The following FERMT3 variants were observed in gnomAD, a reference collection of about 807,000 sequenced individuals.
FERMT3 encodes FERM domain containing kindlin 3, also known as fermitin family homolog 3.
Under a neutral mutation model 80.8 loss-of-function variants are expected in FERMT3, and 33 were observed. That is an observed-to-expected ratio of 0.41 (90% CI 0.31 to 0.55). The LOEUF is 0.55. FERMT3 is among the 20% of genes least tolerant of loss of function. FERMT3 has a pLI of 0.31. For missense variants in FERMT3, 754 were observed against 908.7 expected, an observed-to-expected ratio of 0.83 and a Z score of 2.19; for synonymous variants, 375 against 372.2, an observed-to-expected ratio of 1.01 and a Z score of -0.09.
At chr11:64,223,224 A>G in intron 14 of FERMT3, 35 bp downstream of exon 14, 2 of 1,613,398 alleles carry the variant, frequency 1.2e-6, no homozygotes, top group South Asian at 1.1e-5. Context: ...GATGGGGGAC[A>G]GGTGCAGGCC....
At chr11:64,207,694 C>T (rs1946343912) in intron 2 of FERMT3, 170 bp downstream of exon 2, 3 of 766,268 alleles carry the variant, frequency 3.9e-6, no homozygotes, top group South Asian at 1.9e-5. Context: ...CCAACTTCCT[C>T]TCCCTCCCAC....
In FERMT3 at chr11:64,223,117, C is replaced by T. The variant is rs201768021; in HGVS notation, c.1740C>T (p.Ala580=). The T allele has an allele frequency of 2.8e-5, 45 of 1,613,830 alleles. No individual in the cohort carries two copies. The highest frequency in any genetic ancestry group is 6.7e-5 in the Admixed American group (4 of 60,012). ...ACCGACTGATCCGCATCGACTTGGC[C>T]GTGGGCGACGTGGTCAAGACCTGGC... ...ANNRLIRIDL[A]VGDVVKTWRF... Residue 580 remains alanine, a synonymous_variant, in exon 14 of 15, where the codon GCC becomes GCT. Coordinates refer to ENST00000345728, the MANE Select transcript of FERMT3 (RefSeq NM_031471.6).
At chr11:64,220,881 G>A in intron 12 of FERMT3, 135 bp from the exon 13 acceptor site, 2 of 1,505,686 alleles carry the variant, frequency 1.3e-6, no homozygotes, top group Non-Finnish European at 1.8e-6. Flanking sequence ...GTGCAGATCT[G>A]CACCTTGGCG....
rs3802933 is a variant in FERMT3, at chr11:64,220,630, C to T, written c.1506C>T (p.Leu502=). ...ASAEGLNPYG[L]VAPRFQRKFK... is the part of the protein sequence containing the mutation. ...CCGAGGGCCTCAACCCCTACGGCCT[C>T]GTTGCCCCCCGTTTCCAGCGAAAGT... Residue 502 remains leucine, a synonymous_variant, in exon 12 of 15, where the codon CTC becomes CTT. Coordinates refer to ENST00000345728, the MANE Select transcript of FERMT3 (RefSeq NM_031471.6). 276,547 of 1,610,504 alleles carry T rather than the reference C, an allele frequency of 0.17. 24,901 individuals carry two copies. Among genetic ancestry groups the T allele is most frequent in the Admixed American group, 0.3 (17,926 of 59,552 alleles).
At chr11:64,216,621 C>G (rs1946556819) in intron 6 of FERMT3, among the ~76,000 whole-genome samples, 1 of 150,038 alleles carries the variant, frequency 6.7e-6, no homozygotes, top group Admixed American at 6.6e-5. Context: ...ACGGTGAAAC[C>G]CTGTCTCTAC....
chr11:64,222,584 AAG>A (rs1237083834), intron 13 of FERMT3, among the ~76,000 whole-genome samples: 5 of 144,162 alleles, frequency 3.5e-5, no homozygotes, highest in East Asian at 4.1e-4. Context: ...AAAAAAAAAA[AAG>A]AGATTTCAGG....
chr11:64,212,551 C>A (rs1271379497), intron 6 of FERMT3, among the ~76,000 whole-genome samples: 3 of 152,208 alleles, frequency 2.0e-5, no homozygotes, highest in Admixed American at 2.0e-4. Flanking sequence ...CTGGCCATGT[C>A]CCACCCGCTT....
At chr11:64,222,899 C>A in intron 13 of FERMT3, 149 bp from the exon 14 acceptor site, 1 of 969,396 alleles carries the variant, frequency 1.0e-6, no homozygotes, top group Non-Finnish European at 1.6e-6. Context: ...AACTTGAGGC[C>A]CAGGGAACCC....
chr11:64,213,555 A>AT (rs34872967), intron 6 of FERMT3, among the ~76,000 whole-genome samples: 43,409 of 120,684 alleles, frequency 0.36, 11,834 homozygotes, highest in African/African-American at 0.75. Context: ...GCCTGGCCTA[A>AT]TTTTTTTTTT....
At chr11:64,208,088 C>CA (rs1946354575) in intron 2 of FERMT3, among the ~76,000 whole-genome samples, 1 of 151,762 alleles carries the variant, frequency 6.6e-6, no homozygotes, top group African/African-American at 2.4e-5. Context: ...CCCCGATAGG[C>CA]AGAGCCGGAA....
Position 64,211,754 on chromosome 11 carries a change from C to G in FERMT3, c.786+7C>G. 6.2e-7 allele frequency: 1 copy of G among 1,613,814 alleles called. No individual in the cohort carries two copies. Among genetic ancestry groups the G allele is most frequent in the South Asian group, 1.1e-5 (1 of 91,050 alleles). On this transcript the variant is annotated splice_region_variant and intron_variant, in intron 6 of 14. Transcript: ENST00000345728. This position sits in a 1 kb window ranked among gnomAD's most constrained non-coding sequence, Gnocchi z 4.7. ...CTTCGATTTGGATCCCAAGGTGGGT[C>G]GGGGCAGGGAGAAAGCGGGCCTCAG... is the stretch of plus-strand genomic sequence containing the variant.
intron 6 of FERMT3, among the ~76,000 whole-genome samples, chr11:64,212,242 C>CATGCTCCAGGCAAA (rs1024710547): frequency 2.0e-5 from 3 of 152,364 alleles, no homozygotes; most frequent in African/African-American, 7.2e-5. Context: ...TGGCAACCAA[C>CATGCTCCAGGCAAA]ATGCTCCAGG....
intron 6 of FERMT3, among the ~76,000 whole-genome samples, chr11:64,213,229 A>G (rs980718515): frequency 6.6e-6 from 1 of 151,858 alleles, no homozygotes; most frequent in African/African-American, 2.4e-5. Context: ...GAGTTTCACC[A>G]TATTGGTCAG....
intron 12 of FERMT3, 70 bp from the exon 13 acceptor site, chr11:64,220,946 A>C (rs1322030492): frequency 1.3e-6 from 2 of 1,583,162 alleles, no homozygotes; most frequent in Non-Finnish European, 1.7e-6. Context: ...CCTGATGGGG[A>C]GGTGGGGGCT....
At position 64,219,679 on chromosome 11, in the gene FERMT3, G is replaced by C. The variant is rs748289046; in HGVS notation, c.1029+21G>C. On this transcript the variant is annotated intron_variant, in intron 8 of 14. Transcript: ENST00000345728. The surrounding 1 kb of genome is among the most constrained non-coding windows in gnomAD (Gnocchi z 4.0). ...TGCTGGTGAGGAGGGGCTCAGGGCA[G>C]GGGCTGGGCAGGGAGAACTGTGAGG... The C allele has an allele frequency of 5.6e-6, 9 of 1,613,826 alleles. No homozygotes were observed. The highest frequency in any genetic ancestry group is 7.6e-6 in the Non-Finnish European group (9 of 1,180,020).
rs1946618969 is a variant in FERMT3, at chr11:64,219,247, C to G, written c.787-4C>G. ...GCCTCCAGCCTCCTCTCCCCCCGCT[C>G]CAGACAGACCCCGTGCGGCTGACAC... On this transcript the variant is annotated splice_region_variant and splice_polypyrimidine_tract_variant and intron_variant, in intron 6 of 14. Transcript: ENST00000345728. The surrounding 1 kb of genome is among the most constrained non-coding windows in gnomAD (Gnocchi z 4.0). 6.3e-7 allele frequency: 1 copy of G among 1,585,066 alleles called. No individual in the cohort carries two copies.
Position 64,210,699 on chromosome 11 carries a change from C to T in FERMT3, c.249C>T (p.Tyr83=), listed in dbSNP as rs137865691. 4.1e-4 allele frequency: 660 copies of T among 1,614,164 alleles called. 6 individuals are homozygous for T. In the African/African-American group the frequency reaches 7.9e-3, roughly 19 times the overall value. The change falls in exon 3 of 15, where the codon TAC becomes TAT. Residue 83 remains tyrosine, a synonymous_variant. Transcript: ENST00000345728. This position sits in a 1 kb window ranked among gnomAD's most constrained non-coding sequence, Gnocchi z 4.3. ...AGACCCACTGGACACTGGACAAGTA[C>T]GGGATCCTGGCCGACGCACGCCTCT... ...LLQTHWTLDK[Y]GILADARLFF... is the part of the protein sequence containing the mutation.
At position 64,207,419 on chromosome 11, in the gene FERMT3, C is replaced by A; in HGVS notation, c.55C>A (p.Arg19=). 1 of 1,614,098 alleles carries A rather than the reference C, an allele frequency of 6.2e-7. No homozygotes were observed. Among genetic ancestry groups the A allele is most frequent in the Non-Finnish European group, 8.5e-7 (1 of 1,180,002 alleles). The part of the protein sequence containing the change: ...GDYIDSSWEL[R]VFVGEEDPEA... ...CTACATCGACTCGTCATGGGAGCTG[C>A]GGGTGTTTGTGGGAGAGGAGGACCC... is the stretch of plus-strand genomic sequence containing the variant. The change falls in exon 2 of 15, where the codon CGG becomes AGG. Residue 19 remains arginine (R), a synonymous_variant. Coordinates refer to ENST00000345728, the MANE Select transcript of FERMT3 (RefSeq NM_031471.6).
Position 64,210,916 on chromosome 11 carries a change from C to T in FERMT3, c.394+72C>T. 1 of 1,608,986 alleles carries T rather than the reference C, an allele frequency of 6.2e-7. No homozygotes were observed. Among genetic ancestry groups the T allele is most frequent in the Non-Finnish European group, 8.5e-7 (1 of 1,178,428 alleles). Reference sequence around the variant, plus strand: ...AGGCAGGTTCCCCCGTTTCCAGGCCCAGCTCTGTTGACGCTGTCCTTGCTG... The same window carrying T: ...AGGCAGGTTCCCCCGTTTCCAGGCCTAGCTCTGTTGACGCTGTCCTTGCTG... On this transcript the variant is annotated intron_variant, in intron 3 of 14. Transcript: ENST00000345728. This position sits in a 1 kb window ranked among gnomAD's most constrained non-coding sequence, Gnocchi z 4.3.
Sources: allele counts gnomAD v4.1 joint callset (sites outside exome capture counted in the v4.1 genomes callset), GRCh38; gene constraint gnomAD v4.1.1; non-coding constraint Gnocchi (gnomAD v3.1); transcripts MANE v1.5; gene names NCBI Gene and HGNC (gene_info 2026-07-23, HGNC 2026-07-21).